Variants in KCNH2 observed in about 807,000 individuals in gnomAD.
The protein encoded by KCNH2 is potassium voltage-gated channel subfamily H member 2.
A neutral mutation model predicts 95.9 loss-of-function variants in KCNH2; 35 were observed. The ratio of observed to expected loss-of-function variants is 0.37; its 90% CI spans 0.28 to 0.48. The LOEUF (loss-of-function observed/expected upper bound fraction) is 0.48, where lower values mean the gene tolerates loss of function less well. Among genes scored for constraint, KCNH2 ranks in the 20% least tolerant of loss-of-function variants. The pLI is 0.99. For synonymous variants in KCNH2, 786 were observed against 754.7 expected (o/e 1.04, Z -0.68); for missense variants, 1,274 against 1,702.9 (o/e 0.75, Z 4.43).
chr7:150,965,047 GGAGA>G (rs373470793), intron 2 of KCNH2, among the ~76,000 whole-genome samples: 1 of 151,890 alleles, frequency 6.6e-6, no homozygotes, highest in Non-Finnish European at 1.5e-5. Flanking sequence ...ACAGAGACAG[GGAGA>G]GAGTGTGTGT....
chr7:150,964,984 A>T (rs1383776995), intron 2 of KCNH2, among the ~76,000 whole-genome samples: 1 of 152,190 alleles, frequency 6.6e-6, no homozygotes, highest in Non-Finnish European at 1.5e-5. Context: ...CAGGGGACAG[A>T]GTTAGGGAGC....
intron 1 of KCNH2, 148 bp downstream of exon 1, chr7:150,977,690 G>C: frequency 1.4e-5 from 4 of 284,930 alleles, no homozygotes; most frequent in South Asian, 9.9e-5. Flanking sequence ...TGCCCCCGCC[G>C]TCCCCTCGCC....
Position 150,978,051 on chromosome 7 carries a change from G to C in KCNH2, c.-138C>G, listed in dbSNP as rs1340375044. On this transcript the variant is annotated 5_prime_UTR_variant, in exon 1 of 15. Coordinates refer to ENST00000262186, the MANE Select transcript of KCNH2 (RefSeq NM_000238.4). ...CCGAGCACGGGCGCGGCCAAGACTG[G>C]ACTGCGGGCGCCGGGTCCTCGCTCG... 1.8e-5 allele frequency: 5 copies of C among 282,848 alleles called. No homozygotes were observed. Among genetic ancestry groups the C allele is most frequent in the Non-Finnish European group, 2.5e-5 (4 of 157,632 alleles). The allele number at this position is 282,848 out of a possible 1,614,324, so 17.5% of individuals were successfully genotyped here. A position where few individuals can be genotyped will look rare whatever the true frequency, so the allele number is the denominator to read the frequency against.
Position 150,950,321 on chromosome 7 carries a change from C to A in KCNH2, c.2245G>T (p.Gly749Cys), listed in dbSNP as rs1060500668. The change falls in exon 9 of 15, where the codon GGC (glycine) becomes TGC (cysteine). Residue 749 changes from glycine to cysteine, a missense_variant. Gly to Cys is a radical substitution (Grantham distance 159). This residue lies in a region of KCNH2 where 159 missense variants were observed against 282.5 expected (regional missense o/e 0.56). Transcript: ENST00000262186. ...HCKPFRGATK[G>C]CLRALAMKFK... is the part of the protein sequence containing the mutation. ...TTCATGGCCAGGGCCCGAAGGCAGC[C>A]CTTGGTGGCCCCTCGGAAGGGTTTG... is the stretch of plus-strand genomic sequence containing the variant. The A allele has an allele frequency of 2.5e-6, 4 of 1,613,586 alleles. No homozygotes were observed. The highest frequency in any genetic ancestry group is 3.4e-6 in the Non-Finnish European group (4 of 1,179,994).
At chr7:150,955,326 G>T in intron 5 of KCNH2, 1 of 1,445,302 alleles carries the variant, frequency 6.9e-7, no homozygotes, top group Non-Finnish European at 9.5e-7. Context: ...TGGAGTCAGA[G>T]CCCTTGGGCC....
At chr7:150,977,157 A>C (rs1174780498) in intron 1 of KCNH2, among the ~76,000 whole-genome samples, 1 of 152,108 alleles carries the variant, frequency 6.6e-6, no homozygotes, top group Non-Finnish European at 1.5e-5. Flanking sequence ...GACAGTCTCC[A>C]GGGCAAGAAA....
Position 150,946,852 on chromosome 7 carries a change from TC to T in KCNH2, c.3330+24del. The T allele has an allele frequency of 6.3e-7, 1 of 1,588,956 alleles. No individual in the cohort carries two copies. Among genetic ancestry groups the T allele is most frequent in the East Asian group, 2.3e-5 (1 of 44,194 alleles). ...CGGGGAACAAGCGGGTCACGGTACATCGAGGAAGCAGGGCTGGAGCTTACCT... is the reference window on the plus strand; with the variant it reads ...CGGGGAACAAGCGGGTCACGGTACATGAGGAAGCAGGGCTGGAGCTTACCT... On this transcript the variant is annotated intron_variant, in intron 14 of 14. Transcript: ENST00000262186. This position sits in a 1 kb window ranked among gnomAD's most constrained non-coding sequence, Gnocchi z 6.5.
chr7:150,976,413 C>T (rs1353917912), intron 1 of KCNH2, among the ~76,000 whole-genome samples: 2 of 152,166 alleles, frequency 1.3e-5, no homozygotes, highest in African/African-American at 4.8e-5. Context: ...GTCAGGGTTT[C>T]CTGTCACCTG....
chr7:150,957,320 T>A lies in KCNH2; in HGVS notation c.1099A>T (p.Thr367Ser), dbSNP rs199472890. 18 of 1,595,274 alleles carry A rather than the reference T, an allele frequency of 1.1e-5. No homozygotes were observed. The highest frequency in any genetic ancestry group is 1.5e-5 in the Non-Finnish European group (17 of 1,171,008). Reference protein sequence around the residue: ...EIIAPKIKERTHNVTEKVTQV... With the variant: ...EIIAPKIKERSHNVTEKVTQV... The stretch of plus-strand genomic sequence containing the variant: ...GTGACCTTCTCAGTGACATTGTGGG[T>A]TCGCTCCTTTATCTTAGGTGCTATG... The change falls in exon 5 of 15, where the codon ACC becomes TCC. Residue 367 changes from threonine (T) to serine (S), a missense_variant. Thr to Ser is a moderately conservative substitution (Grantham distance 58, BLOSUM62 1). Transcript: ENST00000262186.
intron 2 of KCNH2, among the ~76,000 whole-genome samples, chr7:150,971,003 A>C (rs1407319056): frequency 6.6e-6 from 1 of 152,230 alleles, no homozygotes; most frequent in Non-Finnish European, 1.5e-5. Context: ...AAAGAAGCAG[A>C]AAGTGGGTGT....
intron 5 of KCNH2, among the ~76,000 whole-genome samples, chr7:150,953,295 C>G (rs1399964718): frequency 6.6e-6 from 1 of 152,230 alleles, no homozygotes; most frequent in African/African-American, 2.4e-5. Flanking sequence ...CCCCAATCCA[C>G]TGACTGGTAG....
At chr7:150,971,427 G>A (rs1326616914) in intron 2 of KCNH2, among the ~76,000 whole-genome samples, 6 of 152,232 alleles carry the variant, frequency 3.9e-5, no homozygotes, top group African/African-American at 7.2e-5. Context: ...CATGGCAACT[G>A]GCCTGCAGCT....
rs1213826124 is a variant in KCNH2, at chr7:150,951,491, G to A, written c.1902C>T (p.Thr634=). 1 of 1,614,250 alleles carries A rather than the reference G, an allele frequency of 6.2e-7. No individual in the cohort carries two copies. The highest frequency in any genetic ancestry group is 1.7e-5 in the Admixed American group (1 of 60,034). Residue 634 remains threonine (T), a synonymous_variant, in exon 7 of 15, where the codon ACC becomes ACT. Coordinates refer to ENST00000262186, the MANE Select transcript of KCNH2 (RefSeq NM_000238.4). ...SVGFGNVSPN[T]NSEKIFSICV... is the part of the protein sequence containing the mutation. ...AGATGGAGAAGATCTTCTCTGAGTT[G>A]GTGTTGGGAGAGACGTTGCCGAAGC...
intron 5 of KCNH2, chr7:150,955,449 G>A: frequency 6.4e-7 from 1 of 1,564,450 alleles, no homozygotes; most frequent in Middle Eastern, 1.9e-4. Flanking sequence ...CGGCCTTTCT[G>A]GGCCCTGGGC....
At chr7:150,954,027 G>T (rs1037546854) in intron 5 of KCNH2, among the ~76,000 whole-genome samples, 1 of 152,224 alleles carries the variant, frequency 6.6e-6, no homozygotes, top group Admixed American at 6.5e-5. Flanking sequence ...CATCTCCTTA[G>T]AGGAAATAAC....
At chr7:150,955,945 C>G in intron 5 of KCNH2, 7 of 690,400 alleles carry the variant, frequency 1.0e-5, no homozygotes, top group Non-Finnish European at 1.3e-5. Flanking sequence ...AGCGGCGCTC[C>G]CGCAGCCTGA....
rs1801441796 is a variant in KCNH2, at chr7:150,958,146, C to A, written c.829G>T (p.Ala277Ser). The change falls in exon 4 of 15, where the codon GCC becomes TCC. Residue 277 changes from alanine to serine, a missense_variant. Physicochemically the swap from Ala to Ser is moderately conservative, Grantham distance 99. This residue lies in a region of KCNH2 where 392 missense variants were observed against 429.9 expected (regional missense o/e 0.91). Coordinates refer to ENST00000262186, the MANE Select transcript of KCNH2 (RefSeq NM_000238.4). ...LARTRSRESC[A>S]SVRRASSADD... is the part of the protein sequence containing the mutation. ...GCCGACGAGGCGCGGCGCACGCTGG[C>A]GCAGCTTTCTCGGGAGCGCGTCCGG... 1 of 1,325,416 alleles carries A rather than the reference C, an allele frequency of 7.5e-7. No individual in the cohort carries two copies. The highest frequency in any genetic ancestry group is 9.6e-7 in the Non-Finnish European group (1 of 1,040,670). The allele number at this position is 1,325,416 out of a possible 1,614,324, so 82.1% of individuals were successfully genotyped here.
Position 150,945,594 on chromosome 7 carries a change from G to C in KCNH2, c.3331-80C>G. The stretch of plus-strand genomic sequence containing the variant: ...GGAGGGAAAGGGGCAGGAGAACCCG[G>C]GGACAGAGGATGGACGGGAGGACAG... On this transcript the variant is annotated intron_variant, in intron 14 of 14. Coordinates refer to ENST00000262186, the MANE Select transcript of KCNH2 (RefSeq NM_000238.4). This position sits in a 1 kb window ranked among gnomAD's most constrained non-coding sequence, Gnocchi z 5.6. The C allele has an allele frequency of 7.0e-7, 1 of 1,435,380 alleles. No individual in the cohort carries two copies. Among genetic ancestry groups the C allele is most frequent in the Non-Finnish European group, 9.6e-7 (1 of 1,041,766 alleles). The allele number at this position is 1,435,380 out of a possible 1,614,324, so 88.9% of individuals were successfully genotyped here. A position where few individuals can be genotyped will look rare whatever the true frequency, so the allele number is the denominator to read the frequency against.
rs780068180 is a variant in KCNH2, at chr7:150,955,439, C to T, written c.1128+1852G>A. The T allele has an allele frequency of 2.2e-5, 35 of 1,566,384 alleles. No homozygotes were observed. Among genetic ancestry groups the T allele is most frequent in the Non-Finnish European group, 2.8e-5 (32 of 1,156,534 alleles). On this transcript the variant is annotated intron_variant, in intron 5 of 14. Transcript: ENST00000262186. The stretch of plus-strand genomic sequence containing the variant: ...GGAGATGCGCACGGCCCGCCTCACC[C>T]GGCCTTTCTGGGCCCTGGGCCGCAG...
Sources: gnomAD v4.1 joint callset for allele counts (sites outside exome capture counted in the v4.1 genomes callset) on GRCh38, gnomAD v4.1.1 for gene constraint, gnomAD v4.1.1 regional missense constraint, Gnocchi (gnomAD v3.1) non-coding constraint, MANE v1.5 for transcripts, NCBI Gene and HGNC (gene_info 2026-07-23, HGNC 2026-07-21) for gene names.